SLC6A17: variants seen among roughly 807,000 people sequenced by gnomAD.
The protein encoded by SLC6A17 is solute carrier family 6 member 17, also known as sodium-dependent neutral amino acid transporter SLC6A17.
A neutral mutation model predicts 64.5 loss-of-function variants in SLC6A17; 21 were observed. The ratio of observed to expected loss-of-function variants is 0.33; its 90% CI spans 0.23 to 0.47. The LOEUF is 0.47. Among genes scored for constraint, SLC6A17 ranks in the 20% least tolerant of loss-of-function variants. SLC6A17 has a pLI of 1.00. For missense variants in SLC6A17, 682 were observed against 963.2 expected, an observed-to-expected ratio of 0.71 and a Z score of 3.86; for synonymous variants, 372 against 399.5, an observed-to-expected ratio of 0.93 and a Z score of 0.82.
At chr1:110,195,177 A>T (rs1280262964) in intron 9 of SLC6A17, among the ~76,000 whole-genome samples, 2 of 152,104 alleles carry the variant, frequency 1.3e-5, no homozygotes, top group African/African-American at 4.8e-5. Context: ...GCGTTGATCT[A>T]GGGCCCATAG....
rs1258323176 is a variant in SLC6A17 at position 110,198,471 on chromosome 1, C to T, written c.*27C>T. The T allele has an allele frequency of 3.2e-6, 5 of 1,578,600 alleles. No individual in the cohort carries two copies. The highest frequency in any genetic ancestry group is 4.3e-6 in the Non-Finnish European group (5 of 1,160,602). The stretch of plus-strand genomic sequence containing the variant: ...CACTGCCCAAGCCCTGCCCGCCTCT[C>T]CCCCCACGCTCAACCTGCCCACTTG... On this transcript the variant is annotated 3_prime_UTR_variant, in exon 12 of 12. Transcript: ENST00000331565.
At chr1:110,176,994 G>T (rs1279442535) in intron 6 of SLC6A17, among the ~76,000 whole-genome samples, 1 of 152,196 alleles carries the variant, frequency 6.6e-6, no homozygotes. Context: ...AAGAGCCTTA[G>T]GGAGCAGGTA....
intron 1 of SLC6A17, among the ~76,000 whole-genome samples, chr1:110,156,039 G>T (rs1163200892): frequency 6.6e-6 from 1 of 152,180 alleles, no homozygotes; most frequent in Non-Finnish European, 1.5e-5. Context: ...AAAGGAAGGA[G>T]AGCAGATGTT....
chr1:110,160,719 A>G (rs1343413790), intron 1 of SLC6A17, among the ~76,000 whole-genome samples: 1 of 152,154 alleles, frequency 6.6e-6, no homozygotes, highest in Non-Finnish European at 1.5e-5. Context: ...CTGTCAGGGG[A>G]TGGGAAGTGG....
chr1:110,198,180 C>T lies in SLC6A17; in HGVS notation c.1920C>T (p.His640=). The part of the protein sequence containing the change: ...LPIPVVFVLR[H]FHLLSDGSNT... ...TCCCTGTGGTGTTCGTCCTGCGGCACTTCCACCTGCTCTCTGATGGCTCCA... is the reference window on the plus strand; with the variant it reads ...TCCCTGTGGTGTTCGTCCTGCGGCATTTCCACCTGCTCTCTGATGGCTCCA... Residue 640 remains histidine, a synonymous_variant, in exon 12 of 12, where the codon CAC becomes CAT. Transcript: ENST00000331565. The T allele has an allele frequency of 6.2e-7, 1 of 1,614,176 alleles. No homozygotes were observed. The highest frequency in any genetic ancestry group is 8.5e-7 in the Non-Finnish European group (1 of 1,180,010).
rs1262427940 is a variant in SLC6A17, at chr1:110,201,125, G to T, written c.*2681G>T. 6.6e-6 allele frequency: 1 copy of T among 152,186 alleles called. No homozygotes were observed. The highest frequency in any genetic ancestry group is 1.5e-5 in the Non-Finnish European group (1 of 68,034). 9.4% of individuals were successfully genotyped at this position (152,186 alleles called of 1,614,324 possible). A position where few individuals can be genotyped will look rare whatever the true frequency, so the allele number is the denominator to read the frequency against. ...GTAGAATCGCTAGCTCTTCTCCAGA[G>T]GAAAAGTACTAGGATTCTTAAGATG... On this transcript the variant is annotated 3_prime_UTR_variant, in exon 12 of 12. Transcript: ENST00000331565.
At chr1:110,197,696 T>C in intron 11 of SLC6A17, 97 bp downstream of exon 11, 1 of 1,372,750 alleles carries the variant, frequency 7.3e-7, no homozygotes, top group South Asian at 1.5e-5. Context: ...GCAGCTGCTA[T>C]GTGCCAGGCC....
chr1:110,165,378 GC>G (rs769305588), intron 1 of SLC6A17, among the ~76,000 whole-genome samples: 2 of 152,172 alleles, frequency 1.3e-5, no homozygotes, highest in Admixed American at 6.5e-5. Context: ...CCAGCAGAGA[GC>G]TTCTTATAGG....
chr1:110,175,022 CAG>C, intron 5 of SLC6A17, 62 bp downstream of exon 5: 1 of 1,556,388 alleles, frequency 6.4e-7, no homozygotes, highest in Non-Finnish European at 8.7e-7. Flanking sequence ...ACAGAGGGCA[CAG>C]GGCTAAGAAT....
chr1:110,150,571 G>T lies in SLC6A17; in HGVS notation c.-400G>T, dbSNP rs1655567441. 1 of 152,330 alleles carries T rather than the reference G, an allele frequency of 6.6e-6. No individual in the cohort carries two copies. Among genetic ancestry groups the T allele is most frequent in the Non-Finnish European group, 1.5e-5 (1 of 68,108 alleles). 9.4% of individuals were successfully genotyped at this position (152,330 alleles called of 1,614,324 possible). A position where few individuals can be genotyped will look rare whatever the true frequency, so the allele number is the denominator to read the frequency against. ...GCTCCGCAGAGCCGGCGCTGCCAGGGCGCAGGGAGGGCGGCACTCGGCCCC... is the reference window on the plus strand; with the variant it reads ...GCTCCGCAGAGCCGGCGCTGCCAGGTCGCAGGGAGGGCGGCACTCGGCCCC... On this transcript the variant is annotated 5_prime_UTR_variant, in exon 1 of 12. Transcript: ENST00000331565.
intron 6 of SLC6A17, among the ~76,000 whole-genome samples, chr1:110,186,566 C>T (rs948831350): frequency 6.6e-6 from 1 of 152,092 alleles, no homozygotes; most frequent in African/African-American, 2.4e-5. Flanking sequence ...TTCTAGAAGA[C>T]AGCATCTTAG....
At position 110,176,100 on chromosome 1, in the gene SLC6A17, T is replaced by C. The variant is rs149262342; in HGVS notation, c.754-529T>C. On this transcript the variant is annotated intron_variant, in intron 5 of 11. Transcript: ENST00000331565. ...TGTGAGCATCTCGTGTGAGGCCATGTACCACGCACGCAGGGATATAGACAT... is the reference window on the plus strand; with the variant it reads ...TGTGAGCATCTCGTGTGAGGCCATGCACCACGCACGCAGGGATATAGACAT... Among the ~76,000 whole-genome samples the C allele has an allele frequency of 1.1e-3, 166 of 152,294 alleles. 2 individuals carry two copies. Among genetic ancestry groups the C allele is most frequent in the African/African-American group, 3.8e-3 (158 of 41,558 alleles).
At chr1:110,185,576 C>G (rs1016797116) in intron 6 of SLC6A17, among the ~76,000 whole-genome samples, 12 of 152,196 alleles carry the variant, frequency 7.9e-5, no homozygotes. Context: ...GAAGAATTGG[C>G]AGGAAGCTGT....
chr1:110,178,791 C>A (rs1287759927), intron 6 of SLC6A17: 1 of 152,160 alleles, frequency 6.6e-6, no homozygotes, highest in Non-Finnish European at 1.5e-5. Flanking sequence ...CGTCAGGGCT[C>A]CACCGTCATG....
At chr1:110,196,332 A>G (rs1656967625) in intron 10 of SLC6A17, among the ~76,000 whole-genome samples, 1 of 152,154 alleles carries the variant, frequency 6.6e-6, no homozygotes. Flanking sequence ...CTCAGCATCG[A>G]CCATGACCAC....
chr1:110,166,926 A>T lies in SLC6A17; in HGVS notation c.-4A>T. ...AGCAGGGCTACACGGCCCAGGTGGC[A>T]TCAATGCCGAAGAACAGCAAAGTGA... is the stretch of plus-strand genomic sequence containing the variant. On this transcript the variant is annotated 5_prime_UTR_variant, in exon 2 of 12. Coordinates refer to ENST00000331565, the MANE Select transcript of SLC6A17 (RefSeq NM_001010898.4). The T allele has an allele frequency of 1.2e-6, 2 of 1,602,714 alleles. No individual in the cohort carries two copies. Among genetic ancestry groups the T allele is most frequent in the Non-Finnish European group, 1.7e-6 (2 of 1,171,950 alleles).
At chr1:110,172,026 G>C (rs1422520885) in intron 2 of SLC6A17, 34 bp from the exon 3 acceptor site, 1 of 1,610,082 alleles carries the variant, frequency 6.2e-7, no homozygotes, top group Non-Finnish European at 8.5e-7. Context: ...CTGTGCTCCA[G>C]AGCCCCTCTG....
At chr1:110,179,741 C>T (rs1043901621) in intron 6 of SLC6A17, among the ~76,000 whole-genome samples, 1 of 151,986 alleles carries the variant, frequency 6.6e-6, no homozygotes, top group Non-Finnish European at 1.5e-5. Flanking sequence ...TTAGTAGAGA[C>T]GGGGTTTCTC....
In SLC6A17 at chr1:110,198,209, C is replaced by A; in HGVS notation, c.1949C>A (p.Thr650Asn). The change falls in exon 12 of 12, where the codon ACC (threonine) becomes AAC (asparagine). Residue 650 changes from threonine (T) to asparagine (N), a missense_variant. By Grantham distance (65) the Thr-to-Asn change is moderately conservative (BLOSUM62 0). Coordinates refer to ENST00000331565, the MANE Select transcript of SLC6A17 (RefSeq NM_001010898.4). The stretch of plus-strand genomic sequence containing the variant: ...CACCTGCTCTCTGATGGCTCCAACA[C>A]CCTCTCCGTGTCCTACAAGAAGGGC... ...HFHLLSDGSN[T>N]LSVSYKKGRM... 1 of 1,614,202 alleles carries A rather than the reference C, an allele frequency of 6.2e-7. No individual in the cohort carries two copies. Among genetic ancestry groups the A allele is most frequent in the Non-Finnish European group, 8.5e-7 (1 of 1,180,028 alleles).
Sources: allele counts gnomAD v4.1 joint callset (sites outside exome capture counted in the v4.1 genomes callset), GRCh38; gene constraint gnomAD v4.1.1; transcripts MANE v1.5; gene names NCBI Gene and HGNC (gene_info 2026-07-23, HGNC 2026-07-21).